The following C8orf58 variants were observed in gnomAD, a reference collection of about 807,000 sequenced individuals.
C8orf58 encodes chromosome 8 open reading frame 58, also known as uncharacterized protein C8orf58.
C8orf58 carries 31 observed loss-of-function variants against 36.8 expected under a neutral mutation model. The observed-to-expected ratio is 0.84, with a 90% CI of 0.63 to 1.14. The LOEUF (loss-of-function observed/expected upper bound fraction) is 1.14, where lower values mean the gene tolerates loss of function less well. Ranked by LOEUF, C8orf58 falls within the 50% of genes most tolerant of loss-of-function variation. The pLI, the probability that C8orf58 is intolerant of heterozygous loss-of-function variation, is 0.00. For missense variants in C8orf58, 538 were observed against 480.8 expected (o/e 1.12, Z -1.11); for synonymous variants, 230 against 200.2 (o/e 1.15, Z -1.26).
chr8:22,603,045 C>T (rs866718415), intron 6 of C8orf58, 150 bp from the exon 7 acceptor site: 9 of 630,926 alleles, frequency 1.4e-5, no homozygotes, highest in African/African-American at 1.3e-4. Context: ...AATCGTTCTC[C>T]AGGAGGAAGA....
At chr8:22,599,788 G>C (rs1222437679) in intron 1 of C8orf58, 28 bp downstream of exon 1, 5 of 1,166,384 alleles carry the variant, frequency 4.3e-6, no homozygotes, top group Non-Finnish European at 5.4e-6. Context: ...AGGCTGGCCG[G>C]GCTCCCCCCT....
At chr8:22,600,787 C>A (rs1029854409) in intron 1 of C8orf58, 95 bp from the exon 2 acceptor site, 6 of 1,089,216 alleles carry the variant, frequency 5.5e-6, no homozygotes, top group South Asian at 4.5e-5. Flanking sequence ...CTCACTGCTC[C>A]GGGACACTTC....
Position 22,603,681 on chromosome 8 carries a change from T to C in C8orf58, c.*375T>C, listed in dbSNP as rs1385617854. 2 of 344,694 alleles carry C rather than the reference T, an allele frequency of 5.8e-6. No homozygotes were observed. The highest frequency in any genetic ancestry group is 1.1e-5 in the Non-Finnish European group (2 of 176,064). 21.4% of individuals were successfully genotyped at this position (344,694 alleles called of 1,614,324 possible). A position where few individuals can be genotyped will look rare whatever the true frequency, so the allele number is the denominator to read the frequency against. On this transcript the variant is annotated 3_prime_UTR_variant, in exon 7 of 7. Coordinates refer to ENST00000289989, the MANE Select transcript of C8orf58 (RefSeq NM_001013842.3). ...GCATATCTCTGTGTGACTGTCAGTG[T>C]TGCAAGCTGGCTGGATCCAACCATC...
rs111562271 is a variant in C8orf58, at chr8:22,601,627, C to T, written c.517-85C>T. The T allele has an allele frequency of 7.6e-5, 111 of 1,467,004 alleles. 1 individual carries two copies. The African/African-American group carries it at 1.4e-3, about 19-fold the overall frequency. The allele number at this position is 1,467,004 out of a possible 1,614,324, so 90.9% of individuals were successfully genotyped here. ...TCCTCGGGGCCCACTCTGCTCCCATCTGCTGGCTGAGCCCAGCCTGGCTGC... is the reference window on the plus strand; with the variant it reads ...TCCTCGGGGCCCACTCTGCTCCCATTTGCTGGCTGAGCCCAGCCTGGCTGC... On this transcript the variant is annotated intron_variant, in intron 2 of 6. Transcript: ENST00000289989.
At position 22,603,215 on chromosome 8, in the gene C8orf58, C is replaced by A. The variant is rs1800925461; in HGVS notation, c.1007C>A (p.Pro336His). ...CACAGGATCGAGTCCAGGGACCTCC[C>A]TGAAAGGCCTCAGTGCCGCCCCCAC... ...SDPRIESRDL[P>H]ERPQCRPHRK... The change falls in exon 7 of 7, where the codon CCT becomes CAT. Residue 336 changes from proline (P) to histidine (H), a missense_variant. Coordinates refer to ENST00000289989, the MANE Select transcript of C8orf58 (RefSeq NM_001013842.3). 5 of 1,613,830 alleles carry A rather than the reference C, an allele frequency of 3.1e-6. No individual in the cohort carries two copies. In the South Asian group the frequency reaches 5.5e-5, roughly 18 times the overall value.
intron 2 of C8orf58, 31 bp downstream of exon 2, chr8:22,601,388 A>G: frequency 6.7e-7 from 1 of 1,488,210 alleles, no homozygotes; most frequent in Non-Finnish European, 9.1e-7. Flanking sequence ...TGGGTTTAAG[A>G]GTGGGATGGA....
At chr8:22,600,409 C>T (rs534448877) in intron 1 of C8orf58, 1 of 165,374 alleles carries the variant, frequency 6.0e-6, no homozygotes, top group Non-Finnish European at 1.3e-5. Flanking sequence ...GCAGGAGAGA[C>T]TTCACCTGGC....
chr8:22,603,343 G>A lies in C8orf58; in HGVS notation c.*37G>A, dbSNP rs1800933260. The stretch of plus-strand genomic sequence containing the variant: ...GCACCTGGTGACCCTGGGTGGAGGG[G>A]ACTTGCTGTGAAGTCTTCCTCGCCC... On this transcript the variant is annotated 3_prime_UTR_variant, in exon 7 of 7. Transcript: ENST00000289989. 2.1e-6 allele frequency: 3 copies of A among 1,444,130 alleles called. No homozygotes were observed. The highest frequency in any genetic ancestry group is 1.4e-5 in the African/African-American group (1 of 71,370). 89.5% of individuals were successfully genotyped at this position (1,444,130 alleles called of 1,614,324 possible).
rs1800793071 is a variant in C8orf58, at chr8:22,599,662, G to A, written c.-59G>A. The A allele has an allele frequency of 3.0e-6, 3 of 988,500 alleles. No homozygotes were observed. The highest frequency in any genetic ancestry group is 3.9e-6 in the Non-Finnish European group (3 of 774,820). 61.2% of individuals were successfully genotyped at this position (988,500 alleles called of 1,614,324 possible). ...CCCTGAGCTGCCCGAGCTCCGCGGGGACTCGGGCCGGGATCCTCGGGCGGC... is the reference window on the plus strand; with the variant it reads ...CCCTGAGCTGCCCGAGCTCCGCGGGAACTCGGGCCGGGATCCTCGGGCGGC... On this transcript the variant is annotated 5_prime_UTR_variant, in exon 1 of 7. Transcript: ENST00000289989.
chr8:22,603,373 C>T lies in C8orf58; in HGVS notation c.*67C>T, dbSNP rs778463530. 3.6e-6 allele frequency: 4 copies of T among 1,116,634 alleles called. No individual in the cohort carries two copies. Among genetic ancestry groups the T allele is most frequent in the South Asian group, 1.2e-5 (1 of 80,332 alleles). The allele number at this position is 1,116,634 out of a possible 1,614,324, so 69.2% of individuals were successfully genotyped here. ...GCTGTGAAGTCTTCCTCGCCCTCTGCCCTCTTGCTGCTTCTCCACATTGCC... is the reference window on the plus strand; with the variant it reads ...GCTGTGAAGTCTTCCTCGCCCTCTGTCCTCTTGCTGCTTCTCCACATTGCC... On this transcript the variant is annotated 3_prime_UTR_variant, in exon 7 of 7. Transcript: ENST00000289989.
chr8:22,600,074 G>A, intron 1 of C8orf58: 1 of 254,702 alleles, frequency 3.9e-6, no homozygotes, highest in Non-Finnish European at 7.5e-6. Flanking sequence ...CCCCTCCGTG[G>A]CTGCGGACCC....
chr8:22,599,693 T>C lies in C8orf58; in HGVS notation c.-28T>C, dbSNP rs755935. 0.32 allele frequency: 385,025 copies of C among 1,187,818 alleles called. 63,415 individuals are homozygous for C. The highest frequency in any genetic ancestry group is 0.37 in the South Asian group (8,796 of 23,608). The allele number at this position is 1,187,818 out of a possible 1,614,324, so 73.6% of individuals were successfully genotyped here. On this transcript the variant is annotated 5_prime_UTR_variant, in exon 1 of 7. Transcript: ENST00000289989. ...GGCCGGGATCCTCGGGCGGCTGCAT[T>C]GGCCGGGGCCGGGGCCGGGAGCGGG...
Position 22,603,929 on chromosome 8 carries a change from C to G in C8orf58, c.*623C>G, listed in dbSNP as rs1026988553. The G allele has an allele frequency of 5.9e-6, 1 of 168,094 alleles. No homozygotes were observed. The highest frequency in any genetic ancestry group is 1.3e-5 in the Non-Finnish European group (1 of 76,608). The allele number at this position is 168,094 out of a possible 1,614,324, so 10.4% of individuals were successfully genotyped here. ...AGGAATGAGGAAGATCAGGGACAAC[C>G]TGGGAACTGAATAACTTTCAAAGCC... On this transcript the variant is annotated 3_prime_UTR_variant, in exon 7 of 7. Coordinates refer to ENST00000289989, the MANE Select transcript of C8orf58 (RefSeq NM_001013842.3).
intron 6 of C8orf58, 64 bp from the exon 7 acceptor site, chr8:22,603,129 CAA>C (rs1329886783): frequency 4.8e-6 from 6 of 1,254,848 alleles, no homozygotes; most frequent in Non-Finnish European, 5.8e-6. Context: ...CACGTTCTCT[CAA>C]CTCTAGGGCC....
At chr8:22,600,675 C>T (rs1485985428) in intron 1 of C8orf58, among the ~76,000 whole-genome samples, 2 of 152,228 alleles carry the variant, frequency 1.3e-5, no homozygotes, top group Admixed American at 6.5e-5. Flanking sequence ...AGCACGGGTT[C>T]CCTGTCGCTA....
rs2117393598 is a variant in C8orf58, at chr8:22,602,519, C to A, written c.880-18C>A. On this transcript the variant is annotated intron_variant, in intron 5 of 6. Transcript: ENST00000289989. ...GAGTGTGGGGAGGGCTCTGGGTGAC[C>A]CCTCATCCTCTGCTCAGCGGGATAT... 1 of 1,601,378 alleles carries A rather than the reference C, an allele frequency of 6.2e-7. No individual in the cohort carries two copies.
At chr8:22,600,812 C>A in intron 1 of C8orf58, 70 bp from the exon 2 acceptor site, 1 of 1,323,038 alleles carries the variant, frequency 7.6e-7, no homozygotes, top group South Asian at 1.3e-5. Context: ...TGGGGCAGTG[C>A]TGCCAGCCTT....
rs946960209 is a variant in C8orf58, at chr8:22,600,610, G to A, written c.41-272G>A. On this transcript the variant is annotated intron_variant, in intron 1 of 6. Transcript: ENST00000289989. Reference sequence around the variant, plus strand: ...TAGGTGGGAAGCGCAGGCGCAGGCCGTCTAAGGGATTGATGGATGTGGCCT... The same window carrying A: ...TAGGTGGGAAGCGCAGGCGCAGGCCATCTAAGGGATTGATGGATGTGGCCT... 2.6e-5 allele frequency among the ~76,000 whole-genome samples: 4 copies of A among 152,254 alleles called. No homozygotes were observed. In the South Asian group the frequency reaches 6.2e-4, roughly 24 times the overall value.
Position 22,603,732 on chromosome 8 carries a change from G to T in C8orf58, c.*426G>T. ...TCTTCTGAAATAATGCATCCAAAGG[G>T]TTGATATTCTGGGGGAGGTCACTGC... is the stretch of plus-strand genomic sequence containing the variant. On this transcript the variant is annotated 3_prime_UTR_variant, in exon 7 of 7. Transcript: ENST00000289989. 1 of 312,822 alleles carries T rather than the reference G, an allele frequency of 3.2e-6. No individual in the cohort carries two copies. Among genetic ancestry groups the T allele is most frequent in the Non-Finnish European group, 6.3e-6 (1 of 158,580 alleles). 19.4% of individuals were successfully genotyped at this position (312,822 alleles called of 1,614,324 possible). A position where few individuals can be genotyped will look rare whatever the true frequency, so the allele number is the denominator to read the frequency against.
Sources: gnomAD v4.1 joint callset for allele counts (sites outside exome capture counted in the v4.1 genomes callset) on GRCh38, gnomAD v4.1.1 for gene constraint, MANE v1.5 for transcripts, NCBI Gene and HGNC (gene_info 2026-07-23, HGNC 2026-07-21) for gene names.